COBL: variants seen among roughly 807,000 people sequenced by gnomAD.
COBL encodes the protein protein cordon-bleu.
COBL carries 51 observed loss-of-function variants against 98.8 expected under a neutral mutation model. The observed-to-expected ratio is 0.52, with a 90% CI of 0.41 to 0.65. COBL has a LOEUF of 0.65. COBL is among the 30% of genes least tolerant of loss of function. The pLI, the probability that COBL is intolerant of heterozygous loss-of-function variation, is 0.00. For missense variants in COBL, 1,617 were observed against 1,617.5 expected (o/e 1.00, Z 0.01); for synonymous variants, 634 against 651.7 (o/e 0.97, Z 0.41).
At chr7:51,285,946 CAAGTGATTTTTTATG>C (rs1174889168) in intron 1 of COBL, among the ~76,000 whole-genome samples, 20 of 152,218 alleles carry the variant, frequency 1.3e-4, no homozygotes, top group Admixed American at 9.2e-4. Flanking sequence ...TAAATATATT[CAAGTGATTTTTTATG>C]AAGGTGTAAA....
intron 1 of COBL, among the ~76,000 whole-genome samples, chr7:51,232,863 T>G (rs1443447221): frequency 1.3e-5 from 2 of 152,162 alleles, no homozygotes; most frequent in Admixed American, 1.3e-4. Flanking sequence ...GACTTTCTCC[T>G]GAACATTTAT....
intron 7 of COBL, among the ~76,000 whole-genome samples, chr7:51,049,904 C>T (rs903005357): frequency 3.3e-5 from 5 of 152,176 alleles, no homozygotes; most frequent in African/African-American, 1.2e-4. Flanking sequence ...TGAGTAGGCA[C>T]CTCAAACTTT....
At chr7:51,264,331 G>T (rs907545930) in intron 1 of COBL, among the ~76,000 whole-genome samples, 1 of 152,094 alleles carries the variant, frequency 6.6e-6, no homozygotes, top group East Asian at 1.9e-4. Context: ...ACACCTCTAC[G>T]TAACAGTTGG....
chr7:51,143,372 T>C (rs971896236), intron 5 of COBL, among the ~76,000 whole-genome samples: 9 of 152,196 alleles, frequency 5.9e-5, no homozygotes, highest in East Asian at 5.8e-4. Flanking sequence ...CATGTAAAAT[T>C]TGCCATAATT....
At chr7:51,122,358 G>A (rs1010301576) in intron 6 of COBL, among the ~76,000 whole-genome samples, 1 of 152,184 alleles carries the variant, frequency 6.6e-6, no homozygotes, top group Non-Finnish European at 1.5e-5. Context: ...CAGGTTCCCA[G>A]GGATGTTTGT....
At chr7:51,311,236 T>G (rs1803006582) in intron 1 of COBL, among the ~76,000 whole-genome samples, 1 of 152,212 alleles carries the variant, frequency 6.6e-6, no homozygotes, top group South Asian at 2.1e-4. Context: ...GACAATGCCC[T>G]GGCAGGGAGC....
intron 1 of COBL, among the ~76,000 whole-genome samples, chr7:51,303,833 A>G (rs1160525450): frequency 1.3e-5 from 2 of 152,094 alleles, no homozygotes; most frequent in East Asian, 3.9e-4. Flanking sequence ...ATATCCAAAC[A>G]TCATTTTTAA....
intron 1 of COBL, among the ~76,000 whole-genome samples, chr7:51,287,118 G>A (rs759574783): frequency 6.6e-6 from 1 of 152,132 alleles, no homozygotes; most frequent in African/African-American, 2.4e-5. Flanking sequence ...AGGTGGGGAG[G>A]AAAGGAGAGG....
intron 6 of COBL, among the ~76,000 whole-genome samples, chr7:51,100,839 T>G (rs10899774): frequency 0.6 from 90,397 of 151,908 alleles, 26,953 homozygotes; most frequent in Middle Eastern, 0.73. Context: ...GGCAGCAGAG[T>G]TTGCAGTGAG....
chr7:51,041,546 C>T (rs889667523), intron 8 of COBL, among the ~76,000 whole-genome samples: 14 of 135,930 alleles, frequency 1.0e-4, no homozygotes, highest in East Asian at 2.2e-4. Context: ...TGCAATGGCG[C>T]GATCTCGGTT....
chr7:51,146,386 G>C (rs1358210878), intron 5 of COBL, among the ~76,000 whole-genome samples: 2 of 152,148 alleles, frequency 1.3e-5, no homozygotes, highest in African/African-American at 4.8e-5. Flanking sequence ...CATGACTGCA[G>C]GGAGGGGCTG....
At chr7:51,203,302 A>T (rs1163319259) in intron 2 of COBL, among the ~76,000 whole-genome samples, 1 of 145,228 alleles carries the variant, frequency 6.9e-6, no homozygotes, top group Non-Finnish European at 1.5e-5. Flanking sequence ...CTCTACTAAA[A>T]ATACAAAAAA....
At chr7:51,277,284 A>G (rs937488098) in intron 1 of COBL, among the ~76,000 whole-genome samples, 2 of 152,100 alleles carry the variant, frequency 1.3e-5, no homozygotes, top group African/African-American at 2.4e-5. Context: ...GCCTTGCTCT[A>G]AGAGAGAAGG....
intron 1 of COBL, among the ~76,000 whole-genome samples, chr7:51,294,408 G>A (rs1461610543): frequency 1.3e-5 from 2 of 150,042 alleles, no homozygotes; most frequent in Non-Finnish European, 3.0e-5. Context: ...CAAGGCAGGT[G>A]GATCACCTGA....
chr7:51,294,867 A>T (rs986565717), intron 1 of COBL, among the ~76,000 whole-genome samples: 3 of 152,240 alleles, frequency 2.0e-5, no homozygotes, highest in Admixed American at 2.0e-4. Flanking sequence ...ATTTAAAGTT[A>T]TCAAAATTGT....
At chr7:51,296,100 A>G (rs950874228) in intron 1 of COBL, among the ~76,000 whole-genome samples, 5 of 152,318 alleles carry the variant, frequency 3.3e-5, no homozygotes, top group South Asian at 4.1e-4. Flanking sequence ...TTCATGAAGC[A>G]CTTTGCACAT....
chr7:51,106,398 G>T (rs1796272709), intron 6 of COBL, among the ~76,000 whole-genome samples: 1 of 152,124 alleles, frequency 6.6e-6, no homozygotes, highest in Non-Finnish European at 1.5e-5. Context: ...TTTGCTGGAA[G>T]CAGTATCCCG....
At chr7:51,041,476 TCC>T (rs1011627553) in intron 8 of COBL, among the ~76,000 whole-genome samples, 2 of 128,716 alleles carry the variant, frequency 1.6e-5, no homozygotes, top group African/African-American at 5.8e-5. Flanking sequence ...CTTATTTCTT[TCC>T]TTTTTTTTTT....
At chr7:51,020,158 G>A (rs147533972) in intron 12 of COBL, among the ~76,000 whole-genome samples, 19 of 152,274 alleles carry the variant, frequency 1.2e-4, no homozygotes, top group Non-Finnish European at 1.8e-4. Context: ...AGCAGCAGCA[G>A]GACACACGGA....
Sources: allele counts gnomAD v4.1 joint callset (sites outside exome capture counted in the v4.1 genomes callset), GRCh38; gene constraint gnomAD v4.1.1; transcripts MANE v1.5; gene names NCBI Gene and HGNC (gene_info 2026-07-23, HGNC 2026-07-21).